PCDHB16: variants seen among roughly 807,000 people sequenced by gnomAD.
PCDHB16 encodes protocadherin beta-16.
For missense variants in PCDHB16, 1,026 were observed against 989.9 expected, an observed-to-expected ratio of 1.04 and a Z score of -0.49; for synonymous variants, 444 against 436.5, an observed-to-expected ratio of 1.02 and a Z score of -0.21.
rs192987001 is a variant in PCDHB16 at position 141,183,245 on chromosome 5, G to A, written c.686G>A (p.Arg229His). 2 of 1,614,180 alleles carry A rather than the reference G, an allele frequency of 1.2e-6. No individual in the cohort carries two copies. Among genetic ancestry groups the A allele is most frequent in the Admixed American group, 3.3e-5 (2 of 60,028 alleles). ...SPPRSGTAQV[R>H]IEVVDINDNA... Reference sequence around the variant, plus strand: ...CCGCGATCTGGAACTGCTCAGGTCCGTATTGAAGTGGTGGACATCAATGAT... The same window carrying A: ...CCGCGATCTGGAACTGCTCAGGTCCATATTGAAGTGGTGGACATCAATGAT... The change falls in exon 1 of 1, where the codon CGT (arginine) becomes CAT (histidine). Residue 229 changes from arginine to histidine, a missense_variant. Physicochemically the swap from Arg to His is conservative, Grantham distance 29. Coordinates refer to ENST00000609684, the MANE Select transcript of PCDHB16 (RefSeq NM_020957.4).
rs1231004319 is a variant in PCDHB16, at chr5:141,185,626, C to A, written c.*736C>A. The A allele has an allele frequency of 1.5e-6, 1 of 664,686 alleles. No homozygotes were observed. Among genetic ancestry groups the A allele is most frequent in the Non-Finnish European group, 1.9e-6 (1 of 530,586 alleles). The allele number at this position is 664,686 out of a possible 1,614,324, so 41.2% of individuals were successfully genotyped here. On this transcript the variant is annotated 3_prime_UTR_variant, in exon 1 of 1. Transcript: ENST00000609684. ...CCAAGTTGCCCAGGCTGATCTTGAA[C>A]TCCTGGGCTCAAGCCATCCTCCCTC... is the stretch of plus-strand genomic sequence containing the variant.
Position 141,186,211 on chromosome 5 carries a change from T to A in PCDHB16, c.*1321T>A. 1.0e-6 allele frequency: 1 copy of A among 990,860 alleles called. No individual in the cohort carries two copies. Among genetic ancestry groups the A allele is most frequent in the South Asian group, 4.8e-5 (1 of 21,046 alleles). 61.4% of individuals were successfully genotyped at this position (990,860 alleles called of 1,614,324 possible). ...TATTAGGCCTTTGAATAAAATTCTA[T>A]GTGAGTCAGATTTAATAATTTGTTT... On this transcript the variant is annotated 3_prime_UTR_variant, in exon 1 of 1. Transcript: ENST00000609684.
At position 141,185,692 on chromosome 5, in the gene PCDHB16, T is replaced by G; in HGVS notation, c.*802T>G. On this transcript the variant is annotated 3_prime_UTR_variant, in exon 1 of 1. Coordinates refer to ENST00000609684, the MANE Select transcript of PCDHB16 (RefSeq NM_020957.4). The stretch of plus-strand genomic sequence containing the variant: ...TTCTGGGATTACAGGCATAAGCCAA[T>G]GTGCCCATCCAAAGTTTTATTTATT... The G allele has an allele frequency of 1.0e-6, 1 of 994,324 alleles. No homozygotes were observed. Among genetic ancestry groups the G allele is most frequent in the Non-Finnish European group, 1.2e-6 (1 of 825,100 alleles). The allele number at this position is 994,324 out of a possible 1,614,324, so 61.6% of individuals were successfully genotyped here. A position where few individuals can be genotyped will look rare whatever the true frequency, so the allele number is the denominator to read the frequency against.
rs782276818 is a variant in PCDHB16 at position 141,184,552 on chromosome 5, G to A, written c.1993G>A (p.Gly665Ser). 56 of 1,611,170 alleles carry A rather than the reference G, an allele frequency of 3.5e-5. No homozygotes were observed. The highest frequency in any genetic ancestry group is 6.6e-5 in the South Asian group (6 of 91,030). The change falls in exon 1 of 1, where the codon GGC becomes AGC. Residue 665 changes from glycine (G) to serine (S), a missense_variant. By Grantham distance (56) the Gly-to-Ser change is moderately conservative. Coordinates refer to ENST00000609684, the MANE Select transcript of PCDHB16 (RefSeq NM_020957.4). The part of the protein sequence containing the change: ...TATLHVLLVD[G>S]FSQPFLPLPE... ...CACGCTGCACGTGCTCCTGGTGGAC[G>A]GCTTCTCCCAGCCCTTCCTGCCGCT...
rs1554282123 is a variant in PCDHB16 at position 141,183,313 on chromosome 5, C to G, written c.754C>G (p.Pro252Ala). ...GCAGCCCATCTACAAAGTGCAGATT[C>G]CAGAGAACAGTCCTCTTGGCTCCCT... The part of the protein sequence containing the change: ...FEQPIYKVQI[P>A]ENSPLGSLVA... Residue 252 changes from proline (P) to alanine (A), a missense_variant, in exon 1 of 1, where the codon CCA becomes GCA. By Grantham distance (27) the Pro-to-Ala change is conservative. Coordinates refer to ENST00000609684, the MANE Select transcript of PCDHB16 (RefSeq NM_020957.4). The G allele has an allele frequency of 6.2e-7, 1 of 1,614,178 alleles. No homozygotes were observed. The highest frequency in any genetic ancestry group is 2.2e-5 in the East Asian group (1 of 44,880).
In PCDHB16 at chr5:141,184,237, T is replaced by C; in HGVS notation, c.1678T>C (p.Phe560Leu). Residue 560 changes from phenylalanine to leucine, a missense_variant, in exon 1 of 1, where the codon TTC (phenylalanine) becomes CTC (leucine). Coordinates refer to ENST00000609684, the MANE Select transcript of PCDHB16 (RefSeq NM_020957.4). ...LVLDANDNSPFVLYPLQNGSA... is the reference protein window; with the variant it reads ...LVLDANDNSPLVLYPLQNGSA... ...GCTGGACGCCAACGACAACTCGCCC[T>C]TCGTGCTGTACCCGCTGCAGAACGG... 6 of 1,580,318 alleles carry C rather than the reference T, an allele frequency of 3.8e-6. No individual in the cohort carries two copies. The South Asian group carries it at 4.5e-5, about 12-fold the overall frequency.
At position 141,185,610 on chromosome 5, in the gene PCDHB16, C is replaced by G. The variant is rs1468687210; in HGVS notation, c.*720C>G. The G allele has an allele frequency of 3.6e-5, 20 of 554,464 alleles. No homozygotes were observed. Among genetic ancestry groups the G allele is most frequent in the Non-Finnish European group, 4.4e-5 (19 of 432,040 alleles). The allele number at this position is 554,464 out of a possible 1,614,324, so 34.3% of individuals were successfully genotyped here. ...CAGCGATGGGATTTTGCCAAGTTGC[C>G]CAGGCTGATCTTGAACTCCTGGGCT... On this transcript the variant is annotated 3_prime_UTR_variant, in exon 1 of 1. Coordinates refer to ENST00000609684, the MANE Select transcript of PCDHB16 (RefSeq NM_020957.4).
In PCDHB16 at chr5:141,183,372, C is replaced by A. The variant is rs782141167; in HGVS notation, c.813C>A (p.Gly271=). The change falls in exon 1 of 1, where the codon GGC becomes GGA. Residue 271 remains glycine (G), a synonymous_variant. Transcript: ENST00000609684. ...CCGTCTCCGCCAGGGATTTAGACGG[C>A]GGAGCCAATGGAAAAATATCATACA... ...VATVSARDLD[G]GANGKISYTL... 3.5e-5 allele frequency: 57 copies of A among 1,613,940 alleles called. No individual in the cohort carries two copies. The highest frequency in any genetic ancestry group is 1.1e-5 in the South Asian group (1 of 91,084).
Position 141,184,578 on chromosome 5 carries a change from C to T in PCDHB16, c.2019C>T (p.Leu673=), listed in dbSNP as rs782465368. 1 of 1,612,228 alleles carries T rather than the reference C, an allele frequency of 6.2e-7. No individual in the cohort carries two copies. Among genetic ancestry groups the T allele is most frequent in the Non-Finnish European group, 8.5e-7 (1 of 1,179,794 alleles). The change falls in exon 1 of 1, where the codon CTC becomes CTT. Residue 673 remains leucine, a synonymous_variant. Coordinates refer to ENST00000609684, the MANE Select transcript of PCDHB16 (RefSeq NM_020957.4). ...VDGFSQPFLP[L]PEAAPGQTQA... ...GCTTCTCCCAGCCCTTCCTGCCGCT[C>T]CCAGAGGCGGCCCCCGGCCAGACCC...
At position 141,185,802 on chromosome 5, in the gene PCDHB16, A is replaced by G; in HGVS notation, c.*912A>G. On this transcript the variant is annotated 3_prime_UTR_variant, in exon 1 of 1. Coordinates refer to ENST00000609684, the MANE Select transcript of PCDHB16 (RefSeq NM_020957.4). The stretch of plus-strand genomic sequence containing the variant: ...GTATTGGTATCTCCTTAAATAAAAT[A>G]AAATATTCCTATTGTAAGTGATATG... 1.0e-6 allele frequency: 1 copy of G among 982,678 alleles called. No homozygotes were observed. The highest frequency in any genetic ancestry group is 1.2e-6 in the Non-Finnish European group (1 of 814,144). 60.9% of individuals were successfully genotyped at this position (982,678 alleles called of 1,614,324 possible).
chr5:141,183,549 G>A lies in PCDHB16; in HGVS notation c.990G>A (p.Lys330=). Residue 330 remains lysine (K), a synonymous_variant, in exon 1 of 1, where the codon AAG becomes AAA. Transcript: ENST00000609684. The part of the protein sequence containing the change: ...KATDGGGLSG[K]CTLLLQVVDV... ...CAGATGGGGGAGGTCTTTCAGGAAA[G>A]TGCACTCTTCTCCTGCAGGTGGTGG... The A allele has an allele frequency of 6.2e-7, 1 of 1,614,178 alleles. No homozygotes were observed. Among genetic ancestry groups the A allele is most frequent in the South Asian group, 1.1e-5 (1 of 91,086 alleles).
rs1554282425 is a variant in PCDHB16, at chr5:141,184,591, C to T, written c.2032C>T (p.Pro678Ser). 1 of 1,612,334 alleles carries T rather than the reference C, an allele frequency of 6.2e-7. No homozygotes were observed. ...QPFLPLPEAA[P>S]GQTQANSLTV... ...CTTCCTGCCGCTCCCAGAGGCGGCC[C>T]CCGGCCAGACCCAGGCCAACTCGCT... Residue 678 changes from proline (P) to serine (S), a missense_variant, in exon 1 of 1, where the codon CCC becomes TCC. Transcript: ENST00000609684.
In PCDHB16 at chr5:141,185,873, T is replaced by A. The variant is rs1753720146; in HGVS notation, c.*983T>A. The A allele has an allele frequency of 2.0e-6, 2 of 990,810 alleles. No homozygotes were observed. Among genetic ancestry groups the A allele is most frequent in the Admixed American group, 6.2e-5 (1 of 16,252 alleles). The allele number at this position is 990,810 out of a possible 1,614,324, so 61.4% of individuals were successfully genotyped here. A position where few individuals can be genotyped will look rare whatever the true frequency, so the allele number is the denominator to read the frequency against. ...ATCTAAAAATAAAAAGAGAAGCCATTGTAAGACATTCAGTATGTGTAAATG... is the reference window on the plus strand; with the variant it reads ...ATCTAAAAATAAAAAGAGAAGCCATAGTAAGACATTCAGTATGTGTAAATG... On this transcript the variant is annotated 3_prime_UTR_variant, in exon 1 of 1. Coordinates refer to ENST00000609684, the MANE Select transcript of PCDHB16 (RefSeq NM_020957.4).
chr5:141,182,729 C>T lies in PCDHB16; in HGVS notation c.170C>T (p.Thr57Ile), dbSNP rs147756225. The T allele has an allele frequency of 3.1e-4, 499 of 1,611,528 alleles. 2 individuals carry two copies. The Middle Eastern group carries it at 0.011, about 35-fold the overall frequency. Residue 57 changes from threonine (T) to isoleucine (I), a missense_variant, in exon 1 of 1, where the codon ACA (threonine) becomes ATA (isoleucine). Thr to Ile is a moderately conservative substitution (Grantham distance 89). Coordinates refer to ENST00000609684, the MANE Select transcript of PCDHB16 (RefSeq NM_020957.4). ...GGAAAAGACCTGGGGTTGGGGTTGACAGAGATGTCCACCCGCAAGGCCAGG... is the reference window on the plus strand; with the variant it reads ...GGAAAAGACCTGGGGTTGGGGTTGATAGAGATGTCCACCCGCAAGGCCAGG... ...NLGKDLGLGL[T>I]EMSTRKARII...
In PCDHB16 at chr5:141,183,970, G is replaced by A; in HGVS notation, c.1411G>A (p.Gly471Ser). 5.6e-6 allele frequency: 9 copies of A among 1,612,424 alleles called. No individual in the cohort carries two copies. Among genetic ancestry groups the A allele is most frequent in the East Asian group, 2.2e-5 (1 of 44,786 alleles). Reference sequence around the variant, plus strand: ...GAACAACAGCCCCGCCCTGCACATCGGCAGCGTCAGCGCCACAGACAGAGA... The same window carrying A: ...GAACAACAGCCCCGCCCTGCACATCAGCAGCGTCAGCGCCACAGACAGAGA... ...RENNSPALHI[G>S]SVSATDRDSG... The change falls in exon 1 of 1, where the codon GGC becomes AGC. Residue 471 changes from glycine (G) to serine (S), a missense_variant. Transcript: ENST00000609684.
rs1554282482 is a variant in PCDHB16 at position 141,184,832 on chromosome 5, G to A, written c.2273G>A (p.Gly758Asp). The change falls in exon 1 of 1, where the codon GGC (glycine) becomes GAC (aspartate). Residue 758 changes from glycine to aspartate, a missense_variant. Transcript: ENST00000609684. ...CAATACGAGGTGTGTCTGACAGGAG[G>A]CTCAGAAACAAGTGAGTTCAAGTTC... Reference protein sequence around the residue: ...SYQYEVCLTGGSETSEFKFLK... With the variant: ...SYQYEVCLTGDSETSEFKFLK... The A allele has an allele frequency of 7.4e-6, 12 of 1,614,214 alleles. No homozygotes were observed. The highest frequency in any genetic ancestry group is 9.3e-6 in the Non-Finnish European group (11 of 1,180,028).
chr5:141,183,228 T>C lies in PCDHB16; in HGVS notation c.669T>C (p.Ser223=), dbSNP rs781904874. The change falls in exon 1 of 1, where the codon TCT becomes TCC. Residue 223 remains serine (S), a synonymous_variant. Coordinates refer to ENST00000609684, the MANE Select transcript of PCDHB16 (RefSeq NM_020957.4). ...TGGATGGTGGCTCTCCACCGCGATC[T>C]GGAACTGCTCAGGTCCGTATTGAAG... is the stretch of plus-strand genomic sequence containing the variant. ...TALDGGSPPR[S]GTAQVRIEVV... 3.7e-6 allele frequency: 6 copies of C among 1,614,216 alleles called. No individual in the cohort carries two copies. Among genetic ancestry groups the C allele is most frequent in the Non-Finnish European group, 5.1e-6 (6 of 1,180,042 alleles).
At position 141,183,893 on chromosome 5, in the gene PCDHB16, A is replaced by T; in HGVS notation, c.1334A>T (p.Asn445Ile). The change falls in exon 1 of 1, where the codon AAT becomes ATT. Residue 445 changes from asparagine to isoleucine, a missense_variant. Asn to Ile is a moderately radical substitution (Grantham distance 149, BLOSUM62 -3). Coordinates refer to ENST00000609684, the MANE Select transcript of PCDHB16 (RefSeq NM_020957.4). The stretch of plus-strand genomic sequence containing the variant: ...ATAACAGTGCAGATATCAGATGTCA[A>T]TGATAACGCCCCCACTTTCACCCAA... ...HNITVQISDV[N>I]DNAPTFTQTS... is the part of the protein sequence containing the mutation. 2 of 1,614,202 alleles carry T rather than the reference A, an allele frequency of 1.2e-6. No individual in the cohort carries two copies. Among genetic ancestry groups the T allele is most frequent in the Non-Finnish European group, 1.7e-6 (2 of 1,180,046 alleles).
Position 141,182,912 on chromosome 5 carries a change from A to T in PCDHB16, c.353A>T (p.Gln118Leu), listed in dbSNP as rs1554282045. Residue 118 changes from glutamine to leucine, a missense_variant, in exon 1 of 1, where the codon CAG becomes CTG. By Grantham distance (113) the Gln-to-Leu change is moderately radical (BLOSUM62 -2). Transcript: ENST00000609684. ...ATGGAAAACCCTTTAGAAATATTTCAGGCTGAACTGAGGGTGATAGATATA... is the reference window on the plus strand; with the variant it reads ...ATGGAAAACCCTTTAGAAATATTTCTGGCTGAACTGAGGGTGATAGATATA... The part of the protein sequence containing the change: ...VLMENPLEIF[Q>L]AELRVIDIND... 6.2e-7 allele frequency: 1 copy of T among 1,614,178 alleles called. No homozygotes were observed. The highest frequency in any genetic ancestry group is 8.5e-7 in the Non-Finnish European group (1 of 1,180,024).
Sources: allele counts gnomAD v4.1 joint callset, GRCh38; gene constraint gnomAD v4.1.1; transcripts MANE v1.5; gene names NCBI Gene and HGNC (gene_info 2026-07-23, HGNC 2026-07-21).